MAD1L1: variants seen among roughly 807,000 people sequenced by gnomAD.
MAD1L1 encodes mitotic spindle assembly checkpoint protein MAD1.
MAD1L1 carries 95 observed loss-of-function variants against 96.9 expected under a neutral mutation model. That is an observed-to-expected ratio of 0.98 (90% confidence interval 0.83 to 1.16). The LOEUF is 1.16. Ranked by LOEUF, MAD1L1 falls within the 50% of genes most tolerant of loss-of-function variation. The pLI is 0.00. For missense variants in MAD1L1, 1,007 were observed against 954.4 expected, an observed-to-expected ratio of 1.06 and a Z score of -0.73; for synonymous variants, 473 against 396.6, an observed-to-expected ratio of 1.19 and a Z score of -2.29.
chr7:2,044,484 T>C (rs1263610006), intron 12 of MAD1L1, among the ~76,000 whole-genome samples: 1 of 152,166 alleles, frequency 6.6e-6, no homozygotes, highest in Non-Finnish European at 1.5e-5. Context: ...AACAGTGCTT[T>C]AGAAACAGCA....
chr7:1,884,922 T>C (rs1583651959), intron 18 of MAD1L1, among the ~76,000 whole-genome samples: 1 of 152,206 alleles, frequency 6.6e-6, no homozygotes, highest in African/African-American at 2.4e-5. Flanking sequence ...CACAGTGTGG[T>C]GGTGCGCACC....
chr7:2,094,236 T>G (rs977068955), intron 11 of MAD1L1, among the ~76,000 whole-genome samples: 2 of 152,054 alleles, frequency 1.3e-5, no homozygotes, highest in African/African-American at 4.8e-5. Flanking sequence ...GAGGAGTGTG[T>G]CCCTAAAGGG....
At chr7:2,095,246 A>G (rs1158623777) in intron 11 of MAD1L1, among the ~76,000 whole-genome samples, 3 of 152,082 alleles carry the variant, frequency 2.0e-5, no homozygotes, top group African/African-American at 7.2e-5. Flanking sequence ...GGGTTTCACC[A>G]TGTTAGCCGG....
intron 14 of MAD1L1, among the ~76,000 whole-genome samples, chr7:1,983,787 T>C (rs553000899): frequency 2.4e-4 from 36 of 152,350 alleles, no homozygotes; most frequent in Non-Finnish European, 4.7e-4. Flanking sequence ...GTAATTAGTC[T>C]TGTTTCCTAT....
At position 1,936,779 on chromosome 7, in the gene MAD1L1, C is replaced by T. The variant is rs1801500; in HGVS notation, c.1715G>A (p.Arg572His). Residue 572 changes from arginine to histidine, a missense_variant, in exon 17 of 19, where the codon CGC (arginine) becomes CAC (histidine). Physicochemically the swap from Arg to His is conservative, Grantham distance 29. Transcript: ENST00000265854. ...TCTCTCCATGGCGCGCAGGAGCCCG[C>T]GCAGTCGCTCGCACTCCGCCTGCAG... ...SQLQAECERL[R>H]GLLRAMERGG... The T allele has an allele frequency of 2.7e-4, 424 of 1,577,588 alleles. No individual in the cohort carries two copies. Among genetic ancestry groups the T allele is most frequent in the Non-Finnish European group, 3.4e-4 (399 of 1,162,830 alleles).
chr7:2,199,491 T>G (rs141000724), intron 10 of MAD1L1, among the ~76,000 whole-genome samples: 2 of 152,386 alleles, frequency 1.3e-5, no homozygotes, highest in East Asian at 3.9e-4. Context: ...CAATAAGGAC[T>G]GCAGTGAACA....
At chr7:2,106,099 A>G (rs1295903617) in intron 11 of MAD1L1, among the ~76,000 whole-genome samples, 17 of 139,572 alleles carry the variant, frequency 1.2e-4, no homozygotes, top group African/African-American at 2.9e-4. Flanking sequence ...GCCATCACAC[A>G]GCCCCGCCCC....
intron 18 of MAD1L1, among the ~76,000 whole-genome samples, chr7:1,888,627 C>T (rs558267637): frequency 1.3e-4 from 20 of 151,178 alleles, no homozygotes; most frequent in East Asian, 3.9e-4. Context: ...AGCATGCATG[C>T]GTGCATGTGG....
chr7:1,976,048 G>A (rs575706663), intron 15 of MAD1L1, among the ~76,000 whole-genome samples: 13 of 152,304 alleles, frequency 8.5e-5, no homozygotes, highest in East Asian at 7.7e-4. Flanking sequence ...CCCCACCGAC[G>A]CTCTCTCTAG....
chr7:1,998,954 C>G (rs906656083), intron 14 of MAD1L1, among the ~76,000 whole-genome samples: 2 of 150,770 alleles, frequency 1.3e-5, no homozygotes. Flanking sequence ...GTCCCCTAAC[C>G]CCACTCACTG....
chr7:1,887,013 G>A (rs984527819), intron 18 of MAD1L1, among the ~76,000 whole-genome samples: 11 of 152,264 alleles, frequency 7.2e-5, no homozygotes, highest in Admixed American at 2.6e-4. Flanking sequence ...AGGGAGAACA[G>A]GAAGAAGACT....
intron 12 of MAD1L1, among the ~76,000 whole-genome samples, chr7:2,025,805 T>C (rs1032410230): frequency 6.6e-6 from 1 of 152,228 alleles, no homozygotes; most frequent in South Asian, 2.1e-4. Context: ...TTTATTAGAC[T>C]TTGTTAAGTA....
intron 14 of MAD1L1, among the ~76,000 whole-genome samples, chr7:1,994,902 A>C (rs2128490073): frequency 6.6e-6 from 1 of 152,242 alleles, no homozygotes; most frequent in South Asian, 2.1e-4. Context: ...CCAGTCTCGA[A>C]CTCCTGGGCT....
Position 1,820,574 on chromosome 7 carries a change from C to T in MAD1L1, c.1999-4346G>A, listed in dbSNP as rs1163613727. On this transcript the variant is annotated intron_variant, in intron 18 of 18. Coordinates refer to ENST00000265854, the MANE Select transcript of MAD1L1 (RefSeq NM_001013836.2). ...TTGAGCCCTGGAGTTTGAGACCAGCCTGGACAACACAGTGAGACCCCATCC... is the reference window on the plus strand; with the variant it reads ...TTGAGCCCTGGAGTTTGAGACCAGCTTGGACAACACAGTGAGACCCCATCC... 1.3e-5 allele frequency among the ~76,000 whole-genome samples: 2 copies of T among 152,008 alleles called. 1 individual carries two copies. Among genetic ancestry groups the T allele is most frequent in the Non-Finnish European group, 2.9e-5 (2 of 67,996 alleles).
intron 10 of MAD1L1, among the ~76,000 whole-genome samples, chr7:2,198,008 C>A (rs1476916417): frequency 2.0e-5 from 3 of 152,140 alleles, no homozygotes; most frequent in African/African-American, 7.2e-5. Context: ...TGGGAACAGG[C>A]CCAGGACGGG....
At chr7:2,016,052 C>G (rs1418628567) in intron 12 of MAD1L1, among the ~76,000 whole-genome samples, 1 of 152,196 alleles carries the variant, frequency 6.6e-6, no homozygotes, top group Non-Finnish European at 1.5e-5. Context: ...CTCCCCAAGT[C>G]TCAGTTCCTT....
chr7:1,865,795 G>A (rs773384813), intron 18 of MAD1L1, among the ~76,000 whole-genome samples: 2 of 152,310 alleles, frequency 1.3e-5, no homozygotes, highest in South Asian at 2.1e-4. Flanking sequence ...GATCTACAGC[G>A]ACTGCTCTCT....
At chr7:1,981,187 G>C (rs1489072826) in intron 14 of MAD1L1, among the ~76,000 whole-genome samples, 1 of 152,138 alleles carries the variant, frequency 6.6e-6, no homozygotes, top group Non-Finnish European at 1.5e-5. Flanking sequence ...GGCTGGTCTC[G>C]AACTCCTGAC....
intron 15 of MAD1L1, 89 bp from the exon 16 acceptor site, chr7:1,957,808 T>G: frequency 8.9e-7 from 1 of 1,119,432 alleles, no homozygotes; most frequent in Non-Finnish European, 1.4e-6. Context: ...GGTGAAAGGT[T>G]AGGAGACCCA....
Sources: allele counts gnomAD v4.1 joint callset (sites outside exome capture counted in the v4.1 genomes callset), GRCh38; gene constraint gnomAD v4.1.1; transcripts MANE v1.5; gene names NCBI Gene and HGNC (gene_info 2026-07-23, HGNC 2026-07-21).